Variants in LRRC49 observed in about 807,000 individuals in gnomAD.
LRRC49 encodes the protein leucine-rich repeat-containing protein 49.
In LRRC49, 50 loss-of-function variants were observed where a neutral mutation model predicts 83.3. The ratio of observed to expected loss-of-function variants is 0.60; its 90% confidence interval spans 0.48 to 0.76. The LOEUF (loss-of-function observed/expected upper bound fraction) is 0.76, where lower values mean the gene tolerates loss of function less well. LRRC49 is among the 30% of genes least tolerant of loss of function. The pLI is 0.00. For missense variants in LRRC49, 704 were observed against 809.1 expected, an observed-to-expected ratio of 0.87 and a Z score of 1.58; for synonymous variants, 286 against 283.3, an observed-to-expected ratio of 1.01 and a Z score of -0.10.
At chr15:70,856,113 A>G (rs1754118500) in intron 1 of LRRC49, among the ~76,000 whole-genome samples, 1 of 152,172 alleles carries the variant, frequency 6.6e-6, no homozygotes, top group South Asian at 2.1e-4. Flanking sequence ...ATGTCTTTTC[A>G]GGGTTTCCAA....
At chr15:70,873,053 T>G in exon 2 of LRRC49, 1 of 644,638 alleles carries the variant, frequency 1.6e-6, no homozygotes. Flanking sequence ...CCCAGCTCAT[T>G]TTTGTATTTT....
At chr15:70,924,435 C>G (rs1454409630) in intron 7 of LRRC49, among the ~76,000 whole-genome samples, 1 of 151,644 alleles carries the variant, frequency 6.6e-6, no homozygotes, top group Non-Finnish European at 1.5e-5. Context: ...TCTGTTCTTT[C>G]TTATTCACTT....
chr15:70,999,746 T>G (rs1442411190), intron 11 of LRRC49, among the ~76,000 whole-genome samples: 1 of 152,224 alleles, frequency 6.6e-6, no homozygotes, highest in African/African-American at 2.4e-5. Flanking sequence ...CCCAGACATC[T>G]CTTTCCCTAG....
chr15:70,894,301 A>G (rs373146787), intron 2 of LRRC49, among the ~76,000 whole-genome samples: 11 of 152,254 alleles, frequency 7.2e-5, no homozygotes, highest in African/African-American at 2.4e-4. Context: ...AAATAATGGT[A>G]TGTCTTACTA....
At chr15:70,948,242 A>G (rs1293193884) in intron 8 of LRRC49, among the ~76,000 whole-genome samples, 1 of 151,970 alleles carries the variant, frequency 6.6e-6, no homozygotes, top group Non-Finnish European at 1.5e-5. Flanking sequence ...CCTCTCAGAG[A>G]GTTCATATCT....
intron 15 of LRRC49, among the ~76,000 whole-genome samples, chr15:71,038,285 T>C (rs567553187): frequency 5.3e-5 from 8 of 152,300 alleles, no homozygotes; most frequent in African/African-American, 1.9e-4. Context: ...GAAGTGTGTA[T>C]ACTGTAGATG....
At chr15:70,982,463 A>T (rs1268942624) in intron 10 of LRRC49, among the ~76,000 whole-genome samples, 1 of 152,212 alleles carries the variant, frequency 6.6e-6, no homozygotes, top group Non-Finnish European at 1.5e-5. Flanking sequence ...TGTTTTTACA[A>T]TAGGAATTGC....
At chr15:70,935,877 C>G (rs932231313) in intron 7 of LRRC49, among the ~76,000 whole-genome samples, 4 of 152,072 alleles carry the variant, frequency 2.6e-5, no homozygotes, top group Non-Finnish European at 5.9e-5. Context: ...TATTCTCCCC[C>G]TGTAGTAACC....
chr15:71,008,028 A>C (rs1398825153), intron 11 of LRRC49, among the ~76,000 whole-genome samples: 1 of 151,756 alleles, frequency 6.6e-6, no homozygotes, highest in African/African-American at 2.4e-5. Context: ...TAGTCAGAAA[A>C]GTTTATAGAT....
chr15:70,872,883 CTT>C (rs781035902), intron 1 of LRRC49: 953 of 165,644 alleles, frequency 5.8e-3, no homozygotes, highest in South Asian at 0.011. Context: ...CTTGACATAA[CTT>C]TTTTTTTTTT....
chr15:70,946,773 A>G (rs2141173037), intron 8 of LRRC49, among the ~76,000 whole-genome samples: 1 of 152,252 alleles, frequency 6.6e-6, no homozygotes. Flanking sequence ...TTTTTATAAA[A>G]TACCCATCCT....
At chr15:70,891,291 G>C (rs566516782), upstream of LRRC49, among the ~76,000 whole-genome samples, 1 of 152,282 alleles carries the variant, frequency 6.6e-6, no homozygotes, top group East Asian at 1.9e-4. Context: ...TAGGGATACT[G>C]AACTTAAAGG....
chr15:71,006,122 A>G (rs1431450837), intron 11 of LRRC49, among the ~76,000 whole-genome samples: 4 of 152,310 alleles, frequency 2.6e-5, no homozygotes, highest in Middle Eastern at 3.4e-3. Context: ...TGTGATAGCT[A>G]TATAAATTGG....
rs771581598 is a variant in LRRC49, at chr15:70,942,688, C to T, written c.773+5866C>T. 7.9e-5 allele frequency among the ~76,000 whole-genome samples: 12 copies of T among 152,138 alleles called. 1 individual carries two copies. Among genetic ancestry groups the T allele is most frequent in the Non-Finnish European group, 1.3e-4 (9 of 68,020 alleles). On this transcript the variant is annotated intron_variant, in intron 8 of 15. Transcript: ENST00000260382. The stretch of plus-strand genomic sequence containing the variant: ...CACAGCCCTCAGGACGTCCCAAGAA[C>T]ATGTGCACAAGGTGGTCAGGGTGCA...
intron 14 of LRRC49, among the ~76,000 whole-genome samples, chr15:71,032,189 C>T (rs1245552033): frequency 4.6e-5 from 7 of 152,162 alleles, no homozygotes; most frequent in Admixed American, 2.6e-4. Context: ...AGTAACCCAG[C>T]GGGGTAGCAC....
chr15:71,027,357 A>C (rs1045471338), intron 14 of LRRC49, among the ~76,000 whole-genome samples: 1 of 152,168 alleles, frequency 6.6e-6, no homozygotes, highest in Non-Finnish European at 1.5e-5. Flanking sequence ...CTTGTAGCCT[A>C]GTTTGAAGTC....
At chr15:71,001,761 G>A (rs534082693) in intron 11 of LRRC49, among the ~76,000 whole-genome samples, 3 of 151,740 alleles carry the variant, frequency 2.0e-5, no homozygotes, top group African/African-American at 2.4e-5. Context: ...GCACAATCTC[G>A]GCTCACTGCA....
intron 11 of LRRC49, among the ~76,000 whole-genome samples, chr15:71,004,700 G>A (rs2038393850): frequency 6.6e-6 from 1 of 151,134 alleles, no homozygotes; most frequent in Non-Finnish European, 1.5e-5. Context: ...TATACACCAA[G>A]GAATACTATG....
In LRRC49 at chr15:70,997,454, TA is replaced by T. The variant is rs956777351; in HGVS notation, c.1170-10915del. Among the ~76,000 whole-genome samples, 584 of 150,358 alleles carry T rather than the reference TA, an allele frequency of 3.9e-3. 3 individuals are homozygous for T. The highest frequency in any genetic ancestry group is 0.012 in the African/African-American group (488 of 41,158). Reference sequence around the variant, plus strand: ...TGTAGAAAGCATATACTTGGAGCTTTAAAAAAAAAATCCTGGCTGGGAGTGG... The same window carrying T: ...TGTAGAAAGCATATACTTGGAGCTTTAAAAAAAAATCCTGGCTGGGAGTGG... On this transcript the variant is annotated intron_variant, in intron 11 of 15. Coordinates refer to ENST00000260382, the MANE Select transcript of LRRC49 (RefSeq NM_017691.5).
Sources: allele counts gnomAD v4.1 joint callset (sites outside exome capture counted in the v4.1 genomes callset), GRCh38; gene constraint gnomAD v4.1.1; transcripts MANE v1.5; gene names NCBI Gene and HGNC (gene_info 2026-07-23, HGNC 2026-07-21).